Variants in DHODH observed in about 807,000 individuals in gnomAD.
DHODH encodes the protein dihydroorotate dehydrogenase (quinone), also known as dihydroorotate dehydrogenase (quinone), mitochondrial.
A neutral mutation model predicts 39.7 loss-of-function variants in DHODH; 30 were observed. That is an observed-to-expected ratio of 0.76 (90% CI 0.57 to 1.02). DHODH has a LOEUF of 1.02. Ranked by LOEUF, DHODH falls within the 50% of genes least tolerant of loss-of-function variation. The pLI, the probability that DHODH is intolerant of heterozygous loss-of-function variation, is 0.00. For missense variants in DHODH, 531 were observed against 520.8 expected (o/e 1.02, Z -0.19); for synonymous variants, 222 against 213.8 (o/e 1.04, Z -0.34).
rs767767982 is a variant in DHODH, at chr16:72,017,113, TG to T, written c.517+11del. On this transcript the variant is annotated splice_region_variant and intron_variant, in intron 4 of 8. Coordinates refer to ENST00000219240, the MANE Select transcript of DHODH (RefSeq NM_001361.5). The stretch of plus-strand genomic sequence containing the variant: ...CAGGCCAAGCTCACAGAAGGTAAAG[TG>T]GGGTTGTGTCAGTGGGCCTTTCTTA... 5.6e-6 allele frequency: 9 copies of T among 1,613,652 alleles called. No homozygotes were observed. In the South Asian group the frequency reaches 6.6e-5, roughly 12 times the overall value.
chr16:72,017,801 C>T (rs1462008783), intron 4 of DHODH, among the ~76,000 whole-genome samples: 7 of 80,226 alleles, frequency 8.7e-5, no homozygotes, highest in East Asian at 2.6e-4. Context: ...GACGGAGTCT[C>T]GCTCTGTCGC....
chr16:72,019,113 G>A (rs1442366796), intron 4 of DHODH, among the ~76,000 whole-genome samples: 1 of 152,120 alleles, frequency 6.6e-6, no homozygotes, highest in Non-Finnish European at 1.5e-5. Flanking sequence ...CCACCACCAT[G>A]CCTGACTAAT....
rs1264755994 is a variant in DHODH at position 72,023,199 on chromosome 16, C to T, written c.854C>T (p.Thr285Ile). ...GATGGGCTGATTGTTACGAACACCA[C>T]CGTGAGTCGCCCTGCGGGCCTCCAG... is the stretch of plus-strand genomic sequence containing the variant. Reference protein sequence around the residue: ...GIDGLIVTNTTVSRPAGLQGA... With the variant: ...GIDGLIVTNTIVSRPAGLQGA... The change falls in exon 7 of 9, where the codon ACC becomes ATC. Residue 285 changes from threonine (T) to isoleucine (I), a missense_variant. Transcript: ENST00000219240. The T allele has an allele frequency of 1.2e-6, 2 of 1,614,196 alleles. No individual in the cohort carries two copies. The highest frequency in any genetic ancestry group is 1.1e-5 in the South Asian group (1 of 91,086).
At chr16:72,023,450 G>A in intron 7 of DHODH, 24 bp from the exon 8 acceptor site, 1 of 1,614,166 alleles carries the variant, frequency 6.2e-7, no homozygotes, top group Admixed American at 1.7e-5. Flanking sequence ...CTTCTTTATG[G>A]TGTCGCCATG....
Position 72,020,348 on chromosome 16 carries a change from TATATATGTGTATATATATA to T in DHODH, c.518-775_518-757del, listed in dbSNP as rs1450712160. On this transcript the variant is annotated intron_variant, in intron 4 of 8. Transcript: ENST00000219240. The stretch of plus-strand genomic sequence containing the variant: ...ATATGTGTATATATATATATATATA[TATATATGTGTATATATATA>T]TATATTTTTTTTTTTTTTCTTTTTT... The T allele has an allele frequency of 3.1e-3, 365 of 117,864 alleles. 1 individual carries two copies. The highest frequency in any genetic ancestry group is 0.012 in the South Asian group (51 of 4,176). The allele number at this position is 117,864 out of a possible 1,614,324, so 7.3% of individuals were successfully genotyped here.
chr16:72,023,784 C>T (rs2041250509), intron 8 of DHODH, 151 bp downstream of exon 8: 1 of 1,158,504 alleles, frequency 8.6e-7, no homozygotes, highest in African/African-American at 1.5e-5. Flanking sequence ...CTGGGTTACT[C>T]TTTTGATGAA....
chr16:72,008,989 G>A, intron 1 of DHODH: 1 of 1,472,408 alleles, frequency 6.8e-7, no homozygotes, highest in Non-Finnish European at 9.0e-7. Context: ...TGCAGACAGC[G>A]CCTGCAGGTC....
intron 1 of DHODH, among the ~76,000 whole-genome samples, chr16:72,010,216 T>A (rs762752161): frequency 6.6e-5 from 10 of 152,216 alleles, no homozygotes; most frequent in African/African-American, 2.4e-4. Context: ...CACTCCTCTG[T>A]TCCAAACTTT....
intron 1 of DHODH, 72 bp downstream of exon 1, chr16:72,008,857 G>A (rs371063686): frequency 2.6e-6 from 4 of 1,551,362 alleles, no homozygotes; most frequent in African/African-American, 1.4e-5. Flanking sequence ...GAGTCAGGCC[G>A]GGCGAGGCAT....
chr16:72,014,429 G>C, intron 2 of DHODH, 44 bp from the exon 3 acceptor site: 1 of 1,570,210 alleles, frequency 6.4e-7, no homozygotes, highest in Non-Finnish European at 8.8e-7. Context: ...GAGAAATACC[G>C]GGATAGCCTT....
intron 6 of DHODH, among the ~76,000 whole-genome samples, chr16:72,022,772 C>T (rs773658462): frequency 7.9e-5 from 12 of 152,194 alleles, no homozygotes; most frequent in Admixed American, 2.6e-4. Context: ...CTTTCTCTCA[C>T]TCCTCTCTCC....
At chr16:72,013,336 G>C (rs923963216) in intron 2 of DHODH, among the ~76,000 whole-genome samples, 1 of 152,186 alleles carries the variant, frequency 6.6e-6, no homozygotes, top group African/African-American at 2.4e-5. Context: ...TGAATAATGA[G>C]TGGGGTGCAG....
intron 1 of DHODH, among the ~76,000 whole-genome samples, chr16:72,009,763 C>CG (rs1258270589): frequency 6.6e-6 from 1 of 151,968 alleles, no homozygotes; most frequent in Non-Finnish European, 1.5e-5. Flanking sequence ...TACAGGCGCG[C>CG]GCCACCACGA....
rs1191640709 is a variant in DHODH, at chr16:72,022,380, G to A, written c.724G>A (p.Gly242Ser). The A allele has an allele frequency of 1.3e-6, 2 of 1,554,214 alleles. No homozygotes were observed. Among genetic ancestry groups the A allele is most frequent in the Admixed American group, 1.9e-5 (1 of 51,432 alleles). ...GCCCTAGGTGCTGCAGGAGAGGGAT[G>A]GCTTGCGGAGAGTGCACAGGCCGGC... The part of the protein sequence containing the change: ...LLTKVLQERD[G>S]LRRVHRPAVL... The change falls in exon 6 of 9, where the codon GGC becomes AGC. Residue 242 changes from glycine (G) to serine (S), a missense_variant. Gly to Ser is a moderately conservative substitution (Grantham distance 56). Coordinates refer to ENST00000219240, the MANE Select transcript of DHODH (RefSeq NM_001361.5).
chr16:72,020,704 G>A (rs1309916362), intron 4 of DHODH, among the ~76,000 whole-genome samples: 2 of 152,038 alleles, frequency 1.3e-5, no homozygotes, highest in African/African-American at 2.4e-5. Context: ...CTTCGCAACT[G>A]TACATCCAGT....
chr16:72,024,045 G>C (rs2041253438), intron 8 of DHODH, 100 bp from the exon 9 acceptor site: 1 of 1,234,648 alleles, frequency 8.1e-7, no homozygotes, highest in African/African-American at 1.5e-5. Flanking sequence ...AGATGTGCCT[G>C]GGCCGGGATG....
rs1191464118 is a variant in DHODH, at chr16:72,024,266, G to T, written c.*67G>T. ...GGACTCAGGCAAGCCTTTGTGGCTG[G>T]ATCATGAGAGGAGGGACTCCATCTT... On this transcript the variant is annotated 3_prime_UTR_variant, in exon 9 of 9. Transcript: ENST00000219240. 2 of 1,553,584 alleles carry T rather than the reference G, an allele frequency of 1.3e-6. No individual in the cohort carries two copies. The highest frequency in any genetic ancestry group is 1.8e-6 in the Non-Finnish European group (2 of 1,126,632).
intron 8 of DHODH, among the ~76,000 whole-genome samples, chr16:72,023,908 C>T (rs149864050): frequency 7.9e-4 from 121 of 152,222 alleles, no homozygotes; most frequent in Non-Finnish European, 1.3e-3. Context: ...ATCAGCATTC[C>T]CATTAATTAA....
chr16:72,012,588 G>A (rs1305654269), intron 2 of DHODH, among the ~76,000 whole-genome samples: 7 of 152,218 alleles, frequency 4.6e-5, no homozygotes, highest in Non-Finnish European at 8.8e-5. Context: ...CAGCTAGGAG[G>A]TAGCAGGACC....
Sources: gnomAD v4.1 joint callset for allele counts (sites outside exome capture counted in the v4.1 genomes callset) on GRCh38, gnomAD v4.1.1 for gene constraint, MANE v1.5 for transcripts, NCBI Gene and HGNC (gene_info 2026-07-23, HGNC 2026-07-21) for gene names.